Variants in AKT3 observed in about 807,000 individuals in gnomAD.
The protein encoded by AKT3 is AKT serine/threonine kinase 3, also known as RAC-gamma serine/threonine-protein kinase.
In AKT3, 15 loss-of-function variants were observed where a neutral mutation model predicts 65.3. The ratio of observed to expected loss-of-function variants is 0.23; its 90% CI spans 0.15 to 0.35. The LOEUF (loss-of-function observed/expected upper bound fraction) is 0.35, where lower values mean the gene tolerates loss of function less well. Ranked by LOEUF, AKT3 falls within the 10% of genes least tolerant of loss-of-function variation. The pLI, the probability that AKT3 is intolerant of heterozygous loss-of-function variation, is 1.00. For synonymous variants in AKT3, 206 were observed against 183.8 expected (o/e 1.12, Z -0.98); for missense variants, 243 against 576.5 (o/e 0.42, Z 5.92).
At chr1:243,676,144 CAACGAGTTGAAGTG>C (rs1206600411) in intron 3 of AKT3, among the ~76,000 whole-genome samples, 3 of 152,052 alleles carry the variant, frequency 2.0e-5, no homozygotes, top group Non-Finnish European at 4.4e-5. Context: ...TAAGGCAGGT[CAACGAGTTGAAGTG>C]AACGGGAGGT....
chr1:243,812,557 T>G (rs1693232066), intron 2 of AKT3, among the ~76,000 whole-genome samples: 1 of 152,080 alleles, frequency 6.6e-6, no homozygotes, highest in South Asian at 2.1e-4. Context: ...AAATAACACT[T>G]TTACACTGTT....
chr1:243,672,305 C>CT (rs1250715577), intron 3 of AKT3, among the ~76,000 whole-genome samples: 5 of 152,206 alleles, frequency 3.3e-5, no homozygotes, highest in African/African-American at 4.8e-5. Flanking sequence ...ACTGCTGGCT[C>CT]TCACATTCTC....
intron 6 of AKT3, among the ~76,000 whole-genome samples, chr1:243,616,896 G>A (rs320308): frequency 0.095 from 14,405 of 152,170 alleles, 909 homozygotes; most frequent in South Asian, 0.22. Flanking sequence ...TCAGTTTTAA[G>A]TGCTCAATTT....
chr1:243,804,934 G>C (rs1477646871), intron 2 of AKT3, among the ~76,000 whole-genome samples: 3 of 151,816 alleles, frequency 2.0e-5, no homozygotes, highest in African/African-American at 7.3e-5. Flanking sequence ...AATAGTATTA[G>C]AGTGTTACAT....
At chr1:243,640,715 G>A (rs1342712277) in intron 5 of AKT3, among the ~76,000 whole-genome samples, 1 of 152,146 alleles carries the variant, frequency 6.6e-6, no homozygotes, top group Non-Finnish European at 1.5e-5. Flanking sequence ...GGATTTTCCA[G>A]CCCACCCATG....
chr1:243,842,334 A>G (rs200727922), intron 2 of AKT3, among the ~76,000 whole-genome samples: 3 of 152,224 alleles, frequency 2.0e-5, no homozygotes, highest in East Asian at 1.9e-4. Flanking sequence ...AGAATGGAAC[A>G]GTCCTCATCC....
chr1:243,597,574 CA>C (rs1469101101), intron 8 of AKT3, among the ~76,000 whole-genome samples: 1 of 152,158 alleles, frequency 6.6e-6, no homozygotes, highest in African/African-American at 2.4e-5. Flanking sequence ...CATGATGGCT[CA>C]CTGCAGCCTC....
intron 6 of AKT3, among the ~76,000 whole-genome samples, chr1:243,625,425 G>A (rs762481924): frequency 1.3e-5 from 2 of 152,112 alleles, no homozygotes; most frequent in Non-Finnish European, 2.9e-5. Flanking sequence ...GAGCCACTGC[G>A]CCTGGCCCAG....
intron 12 of AKT3, among the ~76,000 whole-genome samples, chr1:243,535,623 T>C (rs1003010774): frequency 1.4e-4 from 21 of 152,232 alleles, no homozygotes; most frequent in African/African-American, 4.8e-4. Context: ...TATCCACTCA[T>C]TGGCTGATGA....
At chr1:243,526,159 T>G (rs181549411) in intron 12 of AKT3, among the ~76,000 whole-genome samples, 1 of 151,952 alleles carries the variant, frequency 6.6e-6, no homozygotes, top group Non-Finnish European at 1.5e-5. Flanking sequence ...TTCATGTCCA[T>G]AGGACAGTAA....
intron 2 of AKT3, among the ~76,000 whole-genome samples, chr1:243,724,169 C>A (rs1687077328): frequency 6.6e-6 from 1 of 151,484 alleles, no homozygotes; most frequent in African/African-American, 2.4e-5. Flanking sequence ...GTCATCCCTG[C>A]AGTCCTCAAA....
At position 243,563,735 on chromosome 1, in the gene AKT3, T is replaced by C. The variant is rs1673961647; in HGVS notation, c.933A>G (p.Glu311=). 1.2e-6 allele frequency: 2 copies of C among 1,608,642 alleles called. No homozygotes were observed. Among genetic ancestry groups the C allele is most frequent in the African/African-American group, 2.7e-5 (2 of 74,684 alleles). Residue 311 remains glutamate (E), a synonymous_variant, in exon 10 of 14, where the codon GAA becomes GAG. Coordinates refer to ENST00000673466, the MANE Select transcript of AKT3 (RefSeq NM_005465.7). ...CGAAGCCTACCTCTGGTGCCAGATA[T>C]TCTGGAGTGCCACAGAATGTCTTCA... ...ATMKTFCGTP[E]YLAPEVLEDN... is the part of the protein sequence containing the mutation.
intron 3 of AKT3, among the ~76,000 whole-genome samples, chr1:243,691,184 G>A (rs1254894286): frequency 6.6e-6 from 1 of 152,222 alleles, no homozygotes; most frequent in Non-Finnish European, 1.5e-5. Context: ...GAAGGGAACA[G>A]CATAAACAAA....
intron 2 of AKT3, among the ~76,000 whole-genome samples, chr1:243,804,798 G>C (rs1414158084): frequency 6.6e-6 from 1 of 150,724 alleles, no homozygotes; most frequent in Admixed American, 6.6e-5. Flanking sequence ...AGTGAGCTGA[G>C]ATCGCACCAC....
chr1:243,826,752 C>CT (rs1475671568), intron 2 of AKT3, among the ~76,000 whole-genome samples: 11 of 152,146 alleles, frequency 7.2e-5, no homozygotes, highest in African/African-American at 2.4e-5. Context: ...AGAAAATGTC[C>CT]TTTTTTGTTG....
rs187790041 is a variant in AKT3 at position 243,664,011 on chromosome 1, C to A, written c.284+761G>T. 4.6e-5 allele frequency among the ~76,000 whole-genome samples: 7 copies of A among 152,164 alleles called. No individual in the cohort carries two copies. In the East Asian group the frequency reaches 1.4e-3, roughly 29 times the overall value. On this transcript the variant is annotated intron_variant, in intron 4 of 13. Transcript: ENST00000673466. The stretch of plus-strand genomic sequence containing the variant: ...ATGCTAATTAATCCTCTCTCCCGCT[C>A]CTTAGACCCAATCTCAGAATCCTTA...
At position 243,504,163 on chromosome 1, in the gene AKT3, A is replaced by G. The variant is rs1669519419; in HGVS notation, c.*1086T>C. 4.6e-6 allele frequency: 1 copy of G among 217,980 alleles called. No homozygotes were observed. 13.5% of individuals were successfully genotyped at this position (217,980 alleles called of 1,614,324 possible). On this transcript the variant is annotated 3_prime_UTR_variant, in exon 14 of 14. Transcript: ENST00000673466. ...ACATGGGTCAAAAGTAACTGCAGTA[A>G]GTCTATTTTATATAAGTTGGAGCTG...
intron 6 of AKT3, among the ~76,000 whole-genome samples, chr1:243,630,357 GC>G (rs1228465050): frequency 6.6e-6 from 1 of 152,132 alleles, no homozygotes; most frequent in Admixed American, 6.5e-5. Flanking sequence ...CCACCCTGGG[GC>G]AAAATTCCTC....
At chr1:243,598,972 A>C (rs142477404) in intron 8 of AKT3, among the ~76,000 whole-genome samples, 32 of 152,270 alleles carry the variant, frequency 2.1e-4, no homozygotes, top group Admixed American at 4.6e-4. Flanking sequence ...GTTCAAATGC[A>C]CCTTTCCTCC....
Sources: gnomAD v4.1 joint callset for allele counts (sites outside exome capture counted in the v4.1 genomes callset) on GRCh38, gnomAD v4.1.1 for gene constraint, MANE v1.5 for transcripts, NCBI Gene and HGNC (gene_info 2026-07-23, HGNC 2026-07-21) for gene names.